ARL15: variants seen among roughly 807,000 people sequenced by gnomAD.
ARL15 encodes the protein ADP-ribosylation factor-like protein 15.
A neutral mutation model predicts 25.2 loss-of-function variants in ARL15; 19 were observed. The ratio of observed to expected loss-of-function variants is 0.75; its 90% CI spans 0.53 to 1.10. The LOEUF (loss-of-function observed/expected upper bound fraction) is 1.10, where lower values mean the gene tolerates loss of function less well. ARL15 is among the 50% of genes least tolerant of loss of function. The pLI, the probability that ARL15 is intolerant of heterozygous loss-of-function variation, is 0.00. For missense variants in ARL15, 220 were observed against 246.0 expected (o/e 0.89, Z 0.71); for synonymous variants, 94 against 86.8 (o/e 1.08, Z -0.46).
chr5:53,896,905 G>A (rs1275831760), intron 4 of ARL15, among the ~76,000 whole-genome samples: 1 of 152,112 alleles, frequency 6.6e-6, no homozygotes, highest in Non-Finnish European at 1.5e-5. Flanking sequence ...TCTTCAAAGG[G>A]GGTTGTTTGC....
intron 4 of ARL15, among the ~76,000 whole-genome samples, chr5:53,986,271 G>C (rs913280840): frequency 1.1e-4 from 16 of 151,970 alleles, no homozygotes; most frequent in African/African-American, 3.9e-4. Flanking sequence ...CAAGATTTTA[G>C]AACAAACAAT....
At chr5:54,164,361 T>G (rs1754505730) in intron 2 of ARL15, among the ~76,000 whole-genome samples, 2 of 152,072 alleles carry the variant, frequency 1.3e-5, no homozygotes, top group South Asian at 4.1e-4. Flanking sequence ...GAGTATTTTA[T>G]AAAATGTTAA....
chr5:53,972,636 T>C (rs1027362312), intron 4 of ARL15, among the ~76,000 whole-genome samples: 1 of 152,158 alleles, frequency 6.6e-6, no homozygotes, highest in Non-Finnish European at 1.5e-5. Context: ...TAAAACATTA[T>C]AATTATGACT....
intron 1 of ARL15, among the ~76,000 whole-genome samples, chr5:54,292,766 G>A (rs1274724032): frequency 6.6e-6 from 1 of 151,974 alleles, no homozygotes; most frequent in East Asian, 1.9e-4. Context: ...CTCACTCAGC[G>A]CTCACAATTA....
chr5:53,917,979 A>C lies in ARL15; in HGVS notation c.463-31266T>G, dbSNP rs10065956. 2.4e-3 allele frequency among the ~76,000 whole-genome samples: 372 copies of C among 152,260 alleles called. 1 individual carries two copies. The highest frequency in any genetic ancestry group is 8.6e-3 in the African/African-American group (357 of 41,550). ...GTTGTCTATCTTAAACTCAGGCTCA[A>C]AGAGGCTCTGAATTTCCCATTCTTA... On this transcript the variant is annotated intron_variant, in intron 4 of 4. Coordinates refer to ENST00000504924, the MANE Select transcript of ARL15 (RefSeq NM_019087.3).
chr5:54,045,840 C>A (rs972430289), intron 4 of ARL15, among the ~76,000 whole-genome samples: 1 of 152,220 alleles, frequency 6.6e-6, no homozygotes, highest in Admixed American at 6.5e-5. Flanking sequence ...AAAGAGCCAA[C>A]TCACTTGAAG....
chr5:53,921,831 G>T (rs1034199256), intron 4 of ARL15, among the ~76,000 whole-genome samples: 14 of 152,146 alleles, frequency 9.2e-5, no homozygotes, highest in African/African-American at 3.4e-4. Context: ...GCAAGGCTGG[G>T]GTTACCAGGA....
At chr5:54,133,613 T>C (rs896150417) in intron 3 of ARL15, among the ~76,000 whole-genome samples, 2 of 152,150 alleles carry the variant, frequency 1.3e-5, no homozygotes, top group African/African-American at 4.8e-5. Flanking sequence ...GACAGTTTCA[T>C]AGCAAAGAAG....
chr5:54,292,300 G>A (rs894718639), intron 1 of ARL15, among the ~76,000 whole-genome samples: 1 of 152,010 alleles, frequency 6.6e-6, no homozygotes, highest in Non-Finnish European at 1.5e-5. Flanking sequence ...ATGGGTTTTA[G>A]TGCTAAGGAC....
intron 1 of ARL15, among the ~76,000 whole-genome samples, chr5:54,285,750 G>A (rs368429347): frequency 1.3e-5 from 2 of 152,232 alleles, no homozygotes; most frequent in East Asian, 3.9e-4. Flanking sequence ...CTTCGAATGA[G>A]GCCCTAGCTT....
chr5:54,118,560 AT>A (rs1752978026), intron 3 of ARL15, among the ~76,000 whole-genome samples: 1 of 152,184 alleles, frequency 6.6e-6, no homozygotes, highest in South Asian at 2.1e-4. Flanking sequence ...GACATTTAAG[AT>A]CTACTGAAAT....
intron 4 of ARL15, among the ~76,000 whole-genome samples, chr5:54,087,686 AG>A (rs1752014412): frequency 6.6e-6 from 1 of 152,252 alleles, no homozygotes; most frequent in Non-Finnish European, 1.5e-5. Context: ...AGACAATGGA[AG>A]AAGCCAGTAA....
At chr5:54,029,289 T>TTATAA (rs1749885362) in intron 4 of ARL15, among the ~76,000 whole-genome samples, 1 of 149,896 alleles carries the variant, frequency 6.7e-6, no homozygotes, top group Non-Finnish European at 1.5e-5. Context: ...GGAAAATAGT[T>TTATAA]AATTTATAAA....
At chr5:53,910,633 T>TATATA (rs1491507286) in intron 4 of ARL15, among the ~76,000 whole-genome samples, 19 of 54,978 alleles carry the variant, frequency 3.5e-4, no homozygotes, top group African/African-American at 1.2e-3. Flanking sequence ...TAAAAAAAAA[T>TATATA]TATATATATA....
chr5:53,970,501 GGAGA>G (rs965545094), intron 4 of ARL15, among the ~76,000 whole-genome samples: 3 of 150,908 alleles, frequency 2.0e-5, no homozygotes, highest in Admixed American at 1.3e-4. Context: ...AGAGAGAGAG[GGAGA>G]GAGAGAGAGC....
chr5:54,029,323 C>A (rs898586385), intron 4 of ARL15, among the ~76,000 whole-genome samples: 13 of 117,562 alleles, frequency 1.1e-4, no homozygotes, highest in Middle Eastern at 4.4e-3. Flanking sequence ...ACCACCACCA[C>A]CACCACCACT....
chr5:54,228,543 T>C (rs578144928), intron 1 of ARL15, among the ~76,000 whole-genome samples: 1 of 130,322 alleles, frequency 7.7e-6, no homozygotes, highest in Non-Finnish European at 1.5e-5. Context: ...ATAATTATGA[T>C]ATAAGGTTAT....
intron 4 of ARL15, among the ~76,000 whole-genome samples, chr5:54,083,953 A>G (rs548391608): frequency 2.6e-4 from 39 of 152,312 alleles, no homozygotes; most frequent in Middle Eastern, 6.8e-3. Context: ...TCATACAGAA[A>G]AGAAGATGAC....
intron 4 of ARL15, among the ~76,000 whole-genome samples, chr5:53,964,370 A>AT (rs1269308186): frequency 2.6e-5 from 4 of 151,818 alleles, no homozygotes; most frequent in Admixed American, 6.6e-5. Context: ...TTATTTATTT[A>AT]TTTTTTTGAG....
Sources: gnomAD v4.1 joint callset for allele counts (sites outside exome capture counted in the v4.1 genomes callset) on GRCh38, gnomAD v4.1.1 for gene constraint, MANE v1.5 for transcripts, NCBI Gene and HGNC (gene_info 2026-07-23, HGNC 2026-07-21) for gene names.